FAM107A: variants seen among roughly 807,000 people sequenced by gnomAD.
FAM107A encodes the protein family with sequence similarity 107 member A, also known as actin-associated protein FAM107A.
A neutral mutation model predicts 13.7 loss-of-function variants in FAM107A; 19 were observed. The ratio of observed to expected loss-of-function variants is 1.38; its 90% CI spans 0.97 to 2.03. The LOEUF is 2.03. FAM107A is among the 30% of genes most tolerant of loss of function. The pLI is 0.00. For synonymous variants in FAM107A, 82 were observed against 74.5 expected (o/e 1.10, Z -0.52); for missense variants, 203 against 184.4 (o/e 1.10, Z -0.58).
intron 1 of FAM107A, among the ~76,000 whole-genome samples, chr3:58,623,751 G>C (rs1047311838): frequency 1.3e-4 from 20 of 152,220 alleles, no homozygotes; most frequent in Admixed American, 6.5e-4. Flanking sequence ...TGAGCCTCTT[G>C]CTTAACCTCT....
In FAM107A at chr3:58,604,051, C is replaced by T. The variant is rs1575452481; in HGVS notation, c.-69-14782G>A. On this transcript the variant is annotated intron_variant, in intron 1 of 3. Transcript: ENST00000465970. This position sits in a 1 kb window ranked among gnomAD's most constrained non-coding sequence, Gnocchi z 4.1. ...AATAGCCCCTGCCCCACCAGATGCC[C>T]CTCCGCCTGCTCTCTGAGCTTCACA... Among the ~76,000 whole-genome samples the T allele has an allele frequency of 2.0e-5, 3 of 152,236 alleles. No individual in the cohort carries two copies. Among genetic ancestry groups the T allele is most frequent in the East Asian group, 1.9e-4 (1 of 5,174 alleles).
chr3:58,627,044 G>A (rs2066025178), intron 1 of FAM107A: 1 of 1,528,828 alleles, frequency 6.5e-7, no homozygotes, highest in Non-Finnish European at 8.8e-7. Context: ...CCAGGCTGGG[G>A]TCCTCCCTGC....
chr3:58,572,471 A>T (rs2063693991), intron 1 of FAM107A, among the ~76,000 whole-genome samples: 1 of 152,152 alleles, frequency 6.6e-6, no homozygotes, highest in African/African-American at 2.4e-5. Context: ...GGGCCTAGGG[A>T]ACAGCATGTG....
chr3:58,616,426 T>C (rs1189974590), intron 1 of FAM107A, among the ~76,000 whole-genome samples: 1 of 152,048 alleles, frequency 6.6e-6, no homozygotes, highest in Non-Finnish European at 1.5e-5. Context: ...AATGTGACTT[T>C]ATTTCCAAAT....
chr3:58,613,242 A>AGGAAAC lies in FAM107A; in HGVS notation c.-70+14173_-70+14174insGTTTCC. Among the ~76,000 whole-genome samples, 1 of 152,324 alleles carries AGGAAAC rather than the reference A, an allele frequency of 6.6e-6. No individual in the cohort carries two copies. Among genetic ancestry groups the AGGAAAC allele is most frequent in the Non-Finnish European group, 1.5e-5 (1 of 68,024 alleles). On this transcript the variant is annotated intron_variant, in intron 1 of 3. Coordinates refer to the FAM107A transcript ENST00000465970. This position sits in a 1 kb window ranked among gnomAD's most constrained non-coding sequence, Gnocchi z 4.6. ...ATTCTATTACTGATCTATTTTATAGATGAGGAAACTGAGGCTGAGAGATCA... is the reference window on the plus strand; with the variant it reads ...ATTCTATTACTGATCTATTTTATAGAGGAAACTGAGGAAACTGAGGCTGAGAGATCA...
intron 1 of FAM107A, among the ~76,000 whole-genome samples, chr3:58,619,153 C>A (rs1365328400): frequency 1.3e-5 from 2 of 152,076 alleles, no homozygotes; most frequent in East Asian, 3.9e-4. Context: ...TGTGCACCAC[C>A]ATGCCCAGCT....
At chr3:58,570,337 A>G (rs2063669017) in intron 1 of FAM107A, 1 of 974,778 alleles carries the variant, frequency 1.0e-6, no homozygotes, top group Non-Finnish European at 1.2e-6. Context: ...CTTATTGTCT[A>G]ACTCTATCCA....
At chr3:58,577,940 G>A (rs979683331), upstream of FAM107A, among the ~76,000 whole-genome samples, 5 of 152,182 alleles carry the variant, frequency 3.3e-5, no homozygotes, top group Non-Finnish European at 5.9e-5. This position sits in a 1 kb window ranked among gnomAD's most constrained non-coding sequence, Gnocchi z 4.9. Flanking sequence ...AGGAGCCAAC[G>A]GAAGAGCGTG....
At chr3:58,626,999 C>T (rs1404887873) in intron 1 of FAM107A, 16 of 1,535,936 alleles carry the variant, frequency 1.0e-5, no homozygotes, top group African/African-American at 5.5e-5. Flanking sequence ...TCCCATGGCA[C>T]GAAGTGGGCA....
chr3:58,571,768 T>C (rs957043085), intron 1 of FAM107A, among the ~76,000 whole-genome samples: 3 of 152,238 alleles, frequency 2.0e-5, no homozygotes, highest in Non-Finnish European at 2.9e-5. Context: ...CGCTCTTTCC[T>C]TCCCGTGACC....
chr3:58,574,568 T>C (rs2063714466), intron 1 of FAM107A, among the ~76,000 whole-genome samples: 1 of 152,214 alleles, frequency 6.6e-6, no homozygotes, highest in South Asian at 2.1e-4. Flanking sequence ...GATGCTCCTC[T>C]GTAGAATTGT....
At chr3:58,595,097 T>G (rs1265745197) in intron 1 of FAM107A, among the ~76,000 whole-genome samples, 1 of 151,810 alleles carries the variant, frequency 6.6e-6, no homozygotes, top group African/African-American at 2.4e-5. Flanking sequence ...CCCAAATCTT[T>G]CTTCAGTTTA....
In FAM107A at chr3:58,569,636, A is replaced by T. The variant is rs2063660500; in HGVS notation, c.170+55T>A. The T allele has an allele frequency of 1.4e-6, 2 of 1,460,806 alleles. No homozygotes were observed. The highest frequency in any genetic ancestry group is 9.3e-7 in the Non-Finnish European group (1 of 1,073,604). The allele number at this position is 1,460,806 out of a possible 1,614,324, so 90.5% of individuals were successfully genotyped here. A position where few individuals can be genotyped will look rare whatever the true frequency, so the allele number is the denominator to read the frequency against. On this transcript the variant is annotated intron_variant, in intron 2 of 3. Coordinates refer to ENST00000360997, the MANE Select transcript of FAM107A (RefSeq NM_001076778.3). The surrounding 1 kb of genome is among the most constrained non-coding windows in gnomAD (Gnocchi z 5.7). The stretch of plus-strand genomic sequence containing the variant: ...GCTTTCCTCCAGGGTCACCTTCCCC[A>T]TCCCCCACAGGCCCAGGTGCTTGCG...
intron 1 of FAM107A, among the ~76,000 whole-genome samples, chr3:58,570,957 C>T (rs2063677602): frequency 6.6e-6 from 1 of 152,212 alleles, no homozygotes; most frequent in Non-Finnish European, 1.5e-5. Flanking sequence ...TTTCAAACAC[C>T]AGGCTTCAGC....
intron 1 of FAM107A, among the ~76,000 whole-genome samples, chr3:58,624,975 C>G (rs1351208712): frequency 6.6e-6 from 1 of 151,992 alleles, no homozygotes; most frequent in Non-Finnish European, 1.5e-5. Flanking sequence ...TGATCAACAG[C>G]CTTCTGTGGG....
chr3:58,567,045 CA>C (rs1041835809), intron 3 of FAM107A, 162 bp downstream of exon 3: 1 of 857,438 alleles, frequency 1.2e-6, no homozygotes, highest in Admixed American at 2.1e-5. Flanking sequence ...AAGGACCTAG[CA>C]AAGTGAATGG....
intron 1 of FAM107A, among the ~76,000 whole-genome samples, chr3:58,624,498 C>T (rs575227144): frequency 1.6e-4 from 25 of 151,940 alleles, no homozygotes; most frequent in East Asian, 1.6e-3. Flanking sequence ...CTGGAGAGAA[C>T]GCTGTCTCTC....
exon 1 of FAM107A, chr3:58,586,883 G>A: frequency 6.5e-7 from 1 of 1,533,348 alleles, no homozygotes; most frequent in Non-Finnish European, 8.7e-7. Context: ...CAGCCCGGTA[G>A]AGCCCGGTGG....
chr3:58,626,836 CTG>C (rs1336032182), intron 1 of FAM107A: 2 of 789,648 alleles, frequency 2.5e-6, no homozygotes, highest in East Asian at 5.4e-5. Context: ...CAAGTCTTGG[CTG>C]TGAGTTCCAG....
Sources: gnomAD v4.1 joint callset for allele counts (sites outside exome capture counted in the v4.1 genomes callset) on GRCh38, gnomAD v4.1.1 for gene constraint, Gnocchi (gnomAD v3.1) non-coding constraint, MANE v1.5 for transcripts, NCBI Gene and HGNC (gene_info 2026-07-23, HGNC 2026-07-21) for gene names.